AEBP2: variants seen among roughly 807,000 people sequenced by gnomAD.
AEBP2 encodes zinc finger protein AEBP2.
Under a neutral mutation model 50.8 loss-of-function variants are expected in AEBP2, and 10 were observed. That is an observed-to-expected ratio of 0.20 (90% CI 0.12 to 0.33). AEBP2 has a LOEUF of 0.33. Ranked by LOEUF, AEBP2 falls within the 10% of genes least tolerant of loss-of-function variation. The pLI, the probability that AEBP2 is intolerant of heterozygous loss-of-function variation, is 1.00. For missense variants in AEBP2, 570 were observed against 688.0 expected (o/e 0.83, Z 1.92); for synonymous variants, 296 against 261.3 (o/e 1.13, Z -1.28).
chr12:19,442,403 G>T (rs1364624476), intron 1 of AEBP2, among the ~76,000 whole-genome samples: 1 of 151,914 alleles, frequency 6.6e-6, no homozygotes, highest in African/African-American at 2.4e-5. Context: ...GCGAGACTCC[G>T]TCTCAAAAAA....
intron 1 of AEBP2, among the ~76,000 whole-genome samples, chr12:19,406,319 T>G (rs2095736260): frequency 1.3e-5 from 2 of 152,206 alleles, no homozygotes; most frequent in Non-Finnish European, 2.9e-5. Flanking sequence ...GGGCTCACTC[T>G]TGGCATCATA....
Position 19,518,656 on chromosome 12 carries a change from C to T in AEBP2, c.*539C>T. On this transcript the variant is annotated 3_prime_UTR_variant, in exon 8 of 8. Transcript: ENST00000266508. ...ATGATAAATAGATGTGATTGGTTGC[C>T]ATTTGTGTTCTTTTGCAGAACTCTG... The T allele has an allele frequency of 6.8e-7, 1 of 1,464,788 alleles. No individual in the cohort carries two copies. The highest frequency in any genetic ancestry group is 1.4e-5 in the South Asian group (1 of 72,964). The allele number at this position is 1,464,788 out of a possible 1,614,324, so 90.7% of individuals were successfully genotyped here.
At chr12:19,457,228 T>C in intron 1 of AEBP2, 2 of 1,598,454 alleles carry the variant, frequency 1.3e-6, no homozygotes, top group South Asian at 1.1e-5. Context: ...CAAAAGGGCA[T>C]GCTCCTAGGT....
intron 3 of AEBP2, among the ~76,000 whole-genome samples, chr12:19,492,966 A>T (rs2120447139): frequency 6.6e-6 from 1 of 152,238 alleles, no homozygotes; most frequent in East Asian, 1.9e-4. Context: ...ATAGACTGAG[A>T]CCCTGTCTCA....
chr12:19,518,637 A>T lies in AEBP2; in HGVS notation c.*520A>T. 2.8e-6 allele frequency: 4 copies of T among 1,448,912 alleles called. No individual in the cohort carries two copies. The South Asian group carries it at 5.7e-5, about 21-fold the overall frequency. The allele number at this position is 1,448,912 out of a possible 1,614,324, so 89.8% of individuals were successfully genotyped here. On this transcript the variant is annotated 3_prime_UTR_variant, in exon 8 of 8. Coordinates refer to ENST00000266508, the MANE Select transcript of AEBP2 (RefSeq NM_153207.5). ...GATAATTTACCTTTCAATTATGATA[A>T]ATAGATGTGATTGGTTGCCATTTGT...
At chr12:19,457,421 G>A (rs1308911509) in intron 1 of AEBP2, 1 of 1,496,910 alleles carries the variant, frequency 6.7e-7, no homozygotes, top group Non-Finnish European at 9.1e-7. Flanking sequence ...ATTTCCACAA[G>A]GAGGTATTAA....
At chr12:19,505,539 G>A (rs554827510) in intron 5 of AEBP2, among the ~76,000 whole-genome samples, 1 of 152,242 alleles carries the variant, frequency 6.6e-6, no homozygotes, top group Non-Finnish European at 1.5e-5. Context: ...TATTAGTGGG[G>A]TATAAGCATT....
Position 19,439,561 on chromosome 12 carries a change from A to T in AEBP2, c.-139A>T. ...GGCTCCGTAGCGCGTGTGCAGGCTG[A>T]CGCAGCTCGCGGGCCCTCCTCCTGC... On this transcript the variant is annotated 5_prime_UTR_variant, in exon 1 of 8. Coordinates refer to ENST00000266508, the MANE Select transcript of AEBP2 (RefSeq NM_153207.5). The T allele has an allele frequency of 1.7e-6, 2 of 1,156,628 alleles. No homozygotes were observed. Among genetic ancestry groups the T allele is most frequent in the Non-Finnish European group, 2.3e-6 (2 of 853,268 alleles). The allele number at this position is 1,156,628 out of a possible 1,614,324, so 71.6% of individuals were successfully genotyped here.
chr12:19,510,775 G>A (rs1433800451), intron 5 of AEBP2, among the ~76,000 whole-genome samples: 4 of 151,486 alleles, frequency 2.6e-5, no homozygotes, highest in Non-Finnish European at 5.9e-5. Flanking sequence ...CAATTGAAAA[G>A]CTATTAGAGA....
intron 1 of AEBP2, among the ~76,000 whole-genome samples, chr12:19,453,771 T>A (rs1948210917): frequency 6.6e-6 from 1 of 152,132 alleles, no homozygotes; most frequent in Non-Finnish European, 1.5e-5. Context: ...TACATGTTTA[T>A]GTCAGTTTTA....
chr12:19,464,626 G>C (rs1347088536), intron 2 of AEBP2, among the ~76,000 whole-genome samples: 1 of 148,510 alleles, frequency 6.7e-6, no homozygotes, highest in Non-Finnish European at 1.5e-5. Flanking sequence ...GGTTCTTGTT[G>C]CCCAGGCTGG....
chr12:19,415,663 A>ACACTACAC (rs1565694869), intron 1 of AEBP2, among the ~76,000 whole-genome samples: 24 of 145,342 alleles, frequency 1.7e-4, no homozygotes, highest in African/African-American at 5.6e-4. Flanking sequence ...AATCAATACA[A>ACACTACAC]TACAATACAA....
At chr12:19,438,650 AC>A (rs1192308114), upstream of AEBP2, among the ~76,000 whole-genome samples, 2 of 152,218 alleles carry the variant, frequency 1.3e-5, no homozygotes, top group African/African-American at 2.4e-5. Flanking sequence ...ATAAAAAACA[AC>A]CCAGATACTT....
intron 1 of AEBP2, among the ~76,000 whole-genome samples, chr12:19,447,267 C>G (rs1231046100): frequency 1.3e-5 from 2 of 152,180 alleles, no homozygotes; most frequent in African/African-American, 4.8e-5. Flanking sequence ...TTCCCTAGTT[C>G]ACATTCAAGT....
intron 1 of AEBP2, among the ~76,000 whole-genome samples, chr12:19,429,130 C>T (rs1848094072): frequency 6.6e-6 from 1 of 152,152 alleles, no homozygotes; most frequent in Non-Finnish European, 1.5e-5. Context: ...CTCCCCAATC[C>T]TCTCACCCCA....
chr12:19,444,425 A>G (rs1003781367), intron 1 of AEBP2, among the ~76,000 whole-genome samples: 13 of 152,356 alleles, frequency 8.5e-5, no homozygotes, highest in Middle Eastern at 3.4e-3. Flanking sequence ...CTAGCTATTG[A>G]ATCAGTTAAT....
chr12:19,522,145 A>G lies in AEBP2; in HGVS notation c.*4028A>G, dbSNP rs1033359882. 6.6e-6 allele frequency: 1 copy of G among 152,072 alleles called. No homozygotes were observed. Among genetic ancestry groups the G allele is most frequent in the Non-Finnish European group, 1.5e-5 (1 of 68,002 alleles). The allele number at this position is 152,072 out of a possible 1,614,324, so 9.4% of individuals were successfully genotyped here. ...TTCTCTATTCTAAAAATTACAGAAT[A>G]TGTATTCATAAAAGGGAAGAAATTG... On this transcript the variant is annotated 3_prime_UTR_variant, in exon 8 of 8. Transcript: ENST00000266508.
In AEBP2 at chr12:19,501,797, G is replaced by GTTTTTTTTTTTTTTTTTTTTT. The variant is rs754195220; in HGVS notation, c.1299+1596_1299+1597insTTTTTTTTTTTTTTTTTTTTT. Among the ~76,000 whole-genome samples the GTTTTTTTTTTTTTTTTTTTTT allele has an allele frequency of 4.1e-4, 29 of 70,898 alleles. 1 individual carries two copies. The highest frequency in any genetic ancestry group is 5.8e-4 in the Admixed American group (3 of 5,154). The allele number at this position is 70,898 out of a possible 152,430, so 46.5% of individuals were successfully genotyped here. On this transcript the variant is annotated intron_variant, in intron 5 of 7. Transcript: ENST00000266508. Reference sequence around the variant, plus strand: ...CGTCGTCTCCTATAAAAATGAGTTTGTTTTTTTTTTTTTTTTTTTTGCATT... The same window carrying GTTTTTTTTTTTTTTTTTTTTT: ...CGTCGTCTCCTATAAAAATGAGTTTGTTTTTTTTTTTTTTTTTTTTTTTTTTTTTTTTTTTTTTTTTGCATT...
intron 2 of AEBP2, chr12:19,466,814 C>T: frequency 2.0e-6 from 2 of 984,444 alleles, no homozygotes; most frequent in South Asian, 4.7e-5. Context: ...AGATTTTATG[C>T]TTCTGATTAT....
Sources: gnomAD v4.1 joint callset for allele counts (sites outside exome capture counted in the v4.1 genomes callset) on GRCh38, gnomAD v4.1.1 for gene constraint, MANE v1.5 for transcripts, NCBI Gene and HGNC (gene_info 2026-07-23, HGNC 2026-07-21) for gene names.